The following HS2ST1 variants were observed in gnomAD, a reference collection of about 807,000 sequenced individuals.
HS2ST1 encodes the protein 2-O-sulfotransferase.
Under a neutral mutation model 42.9 loss-of-function variants are expected in HS2ST1, and 18 were observed. That is an observed-to-expected ratio of 0.42 (90% CI 0.29 to 0.62). The LOEUF (loss-of-function observed/expected upper bound fraction) is 0.62, where lower values mean the gene tolerates loss of function less well. HS2ST1 is among the 20% of genes least tolerant of loss of function. The probability of loss-of-function intolerance (pLI) is 0.21; values close to 1 mark genes in which losing one functional copy is unlikely to be tolerated. For missense variants in HS2ST1, 334 were observed against 433.8 expected (o/e 0.77, Z 2.04); for synonymous variants, 146 against 152.9 (o/e 0.95, Z 0.33).
chr1:87,094,437 G>C (rs992648612), intron 4 of HS2ST1, among the ~76,000 whole-genome samples: 1 of 152,144 alleles, frequency 6.6e-6, no homozygotes, highest in South Asian at 2.1e-4. Flanking sequence ...GGTAGCTTGC[G>C]CAACAATTTT....
At chr1:86,964,322 C>T (rs575621156) in intron 1 of HS2ST1, among the ~76,000 whole-genome samples, 5 of 152,364 alleles carry the variant, frequency 3.3e-5, no homozygotes, top group South Asian at 2.1e-4. Flanking sequence ...GCCGAGATCA[C>T]GCCACCGCAC....
chr1:87,054,350 T>G (rs1207651787), intron 1 of HS2ST1, among the ~76,000 whole-genome samples: 1 of 152,142 alleles, frequency 6.6e-6, no homozygotes, highest in African/African-American at 2.4e-5. Flanking sequence ...CCCATAAGAA[T>G]CTGCTTGGTT....
chr1:87,065,502 T>G (rs1272317274), intron 1 of HS2ST1, among the ~76,000 whole-genome samples: 2 of 152,222 alleles, frequency 1.3e-5, no homozygotes, highest in Non-Finnish European at 2.9e-5. Flanking sequence ...TGTCTTTTGT[T>G]AGGTTATCAT....
intron 1 of HS2ST1, among the ~76,000 whole-genome samples, chr1:86,957,676 AT>A (rs776675843): frequency 8.5e-5 from 13 of 152,306 alleles, no homozygotes; most frequent in Middle Eastern, 3.4e-3. Flanking sequence ...TTAAAAAAAA[AT>A]GTAATAATGT....
intron 5 of HS2ST1, among the ~76,000 whole-genome samples, chr1:87,101,870 A>G (rs1158119468): frequency 1.3e-5 from 2 of 152,152 alleles, no homozygotes; most frequent in Non-Finnish European, 2.9e-5. Flanking sequence ...GTAATTTATA[A>G]TGAAAAAAGG....
chr1:86,939,950 T>C (rs902967160), intron 1 of HS2ST1, among the ~76,000 whole-genome samples: 2 of 152,242 alleles, frequency 1.3e-5, no homozygotes, highest in Admixed American at 6.5e-5. Context: ...AGCCTAATAA[T>C]GTATCTTTCA....
At chr1:87,020,352 G>A (rs551930816) in intron 1 of HS2ST1, among the ~76,000 whole-genome samples, 17 of 152,240 alleles carry the variant, frequency 1.1e-4, no homozygotes, top group African/African-American at 3.9e-4. Context: ...CATCTTTCAT[G>A]TCTGATCAGC....
At chr1:87,001,957 G>C (rs561386199) in intron 1 of HS2ST1, among the ~76,000 whole-genome samples, 1 of 150,336 alleles carries the variant, frequency 6.7e-6, no homozygotes, top group African/African-American at 2.5e-5. Context: ...GTGTTGCCCA[G>C]GCTGTAGTGC....
At chr1:87,080,200 C>CA (rs1651649317) in intron 2 of HS2ST1, among the ~76,000 whole-genome samples, 1 of 152,136 alleles carries the variant, frequency 6.6e-6, no homozygotes. Flanking sequence ...GAGTACTCAG[C>CA]AATCCCAGTG....
chr1:87,012,030 A>G (rs1649610671), intron 1 of HS2ST1, among the ~76,000 whole-genome samples: 1 of 152,216 alleles, frequency 6.6e-6, no homozygotes, highest in Admixed American at 6.5e-5. Flanking sequence ...TTGATTCATA[A>G]TTAATTGATT....
intron 1 of HS2ST1, among the ~76,000 whole-genome samples, chr1:86,991,707 GCT>G (rs1340292273): frequency 2.0e-5 from 3 of 152,082 alleles, no homozygotes; most frequent in Non-Finnish European, 4.4e-5. Context: ...ACTTTCCAAG[GCT>G]CTGTTTTCTC....
At chr1:87,074,252 G>A (rs1263213752) in intron 2 of HS2ST1, among the ~76,000 whole-genome samples, 1 of 152,132 alleles carries the variant, frequency 6.6e-6, no homozygotes, top group Non-Finnish European at 1.5e-5. Flanking sequence ...CTATGAATGA[G>A]AAGAAACATG....
intron 2 of HS2ST1, among the ~76,000 whole-genome samples, chr1:87,080,393 G>T (rs947249421): frequency 3.3e-5 from 5 of 152,202 alleles, no homozygotes; most frequent in African/African-American, 1.2e-4. Context: ...TGAGATGTTG[G>T]AGAGATGGAG....
intron 1 of HS2ST1, chr1:86,993,157 A>AT: frequency 6.3e-7 from 1 of 1,588,430 alleles, no homozygotes; most frequent in Non-Finnish European, 8.6e-7. Context: ...CATGTCCTAA[A>AT]CCCTCATCAA....
chr1:87,083,781 TA>T (rs1651747823), intron 2 of HS2ST1, among the ~76,000 whole-genome samples: 1 of 152,182 alleles, frequency 6.6e-6, no homozygotes, highest in East Asian at 1.9e-4. Flanking sequence ...TTAATAAAAA[TA>T]AACTTTTATG....
At chr1:86,970,147 A>AT (rs1402966683) in intron 1 of HS2ST1, among the ~76,000 whole-genome samples, 1 of 151,782 alleles carries the variant, frequency 6.6e-6, no homozygotes, top group Non-Finnish European at 1.5e-5. Context: ...AAAAATGAGT[A>AT]TTTAGTTAAA....
chr1:86,952,443 G>T (rs770920481), intron 1 of HS2ST1, among the ~76,000 whole-genome samples: 5 of 152,058 alleles, frequency 3.3e-5, no homozygotes, highest in Non-Finnish European at 5.9e-5. Context: ...TCACCATGTT[G>T]GCCAGGCTGG....
chr1:86,927,622 T>C (rs1660449582), intron 1 of HS2ST1, among the ~76,000 whole-genome samples: 1 of 152,144 alleles, frequency 6.6e-6, no homozygotes, highest in Admixed American at 6.5e-5. Context: ...CACTCAGAAA[T>C]GACTATAAAG....
chr1:86,983,215 T>C (rs1648649294), intron 1 of HS2ST1, among the ~76,000 whole-genome samples: 2 of 152,228 alleles, frequency 1.3e-5, no homozygotes, highest in Admixed American at 1.3e-4. Flanking sequence ...TCTATAGCAG[T>C]GCCCTACTCC....
Sources: allele counts gnomAD v4.1 joint callset (sites outside exome capture counted in the v4.1 genomes callset), GRCh38; gene constraint gnomAD v4.1.1; transcripts MANE v1.5; gene names NCBI Gene and HGNC (gene_info 2026-07-23, HGNC 2026-07-21).